The following KIAA0319L variants were observed in gnomAD, a reference collection of about 807,000 sequenced individuals.
KIAA0319L encodes the protein dyslexia-associated protein KIAA0319-like protein.
A neutral mutation model predicts 120.1 loss-of-function variants in KIAA0319L; 55 were observed. The ratio of observed to expected loss-of-function variants is 0.46; its 90% CI spans 0.37 to 0.57. The LOEUF is 0.57. Among genes scored for constraint, KIAA0319L ranks in the 20% least tolerant of loss-of-function variants. The probability of loss-of-function intolerance (pLI) is 0.00; values close to 1 mark genes in which losing one functional copy is unlikely to be tolerated. For missense variants in KIAA0319L, 1,049 were observed against 1,255.3 expected, an observed-to-expected ratio of 0.84 and a Z score of 2.48; for synonymous variants, 398 against 471.9, an observed-to-expected ratio of 0.84 and a Z score of 2.03.
chr1:35,456,346 T>C (rs891117900), intron 9 of KIAA0319L, 105 bp from the exon 10 acceptor site: 8 of 674,452 alleles, frequency 1.2e-5, no homozygotes, highest in African/African-American at 1.1e-4. Flanking sequence ...TGTGGCAAGG[T>C]TACCTATTCT....
chr1:35,508,721 TA>T (rs1645304487), intron 2 of KIAA0319L, among the ~76,000 whole-genome samples: 1 of 152,200 alleles, frequency 6.6e-6, no homozygotes, highest in Admixed American at 6.5e-5. Flanking sequence ...CGGTAACAGC[TA>T]ACTGAGTGAA....
At chr1:35,516,572 T>C (rs1024747768) in intron 2 of KIAA0319L, among the ~76,000 whole-genome samples, 1 of 152,184 alleles carries the variant, frequency 6.6e-6, no homozygotes, top group African/African-American at 2.4e-5. Context: ...GAACCATTTA[T>C]GACAAACCCA....
Position 35,554,371 on chromosome 1 carries a change from T to C in KIAA0319L, c.121A>G (p.Ser41Gly). The change falls in exon 2 of 21, where the codon AGC (serine) becomes GGC (glycine). Residue 41 changes from serine (S) to glycine (G), a missense_variant. Transcript: ENST00000325722. The part of the protein sequence containing the change: ...LYLFYTCFCF[S>G]VLWLSTDASE... ...GTACCTGTTGACAACCACAGAACGC[T>C]GAAGCAAAAGCAAGTATAAAACAGG... 4 of 1,604,722 alleles carry C rather than the reference T, an allele frequency of 2.5e-6. No individual in the cohort carries two copies. Among genetic ancestry groups the C allele is most frequent in the Non-Finnish European group, 3.4e-6 (4 of 1,177,142 alleles).
chr1:35,469,419 C>T (rs996232837), intron 6 of KIAA0319L, among the ~76,000 whole-genome samples: 1 of 152,156 alleles, frequency 6.6e-6, no homozygotes, highest in Non-Finnish European at 1.5e-5. Flanking sequence ...TGCTTAAAGC[C>T]TTTCAAGGGC....
At chr1:35,510,549 G>A (rs548078364) in intron 2 of KIAA0319L, 1 of 151,854 alleles carries the variant, frequency 6.6e-6, no homozygotes, top group South Asian at 2.1e-4. Flanking sequence ...TTACTCATCA[G>A]GAGAGAAAAC....
At position 35,442,252 on chromosome 1, in the gene KIAA0319L, C is replaced by A. The variant is rs1443831256; in HGVS notation, c.2864G>T (p.Cys955Phe). The A allele has an allele frequency of 9.3e-6, 15 of 1,610,782 alleles. No individual in the cohort carries two copies. Among genetic ancestry groups the A allele is most frequent in the Non-Finnish European group, 1.3e-5 (15 of 1,176,950 alleles). Residue 955 changes from cysteine to phenylalanine, a missense_variant, in exon 19 of 21, where the codon TGT becomes TTT. Coordinates refer to ENST00000325722, the MANE Select transcript of KIAA0319L (RefSeq NM_024874.5). ...AAAGGAAAATCCATCTTACCTCTTACAACAACAGATCACAGTCCAAGACAG... is the reference window on the plus strand; with the variant it reads ...AAAGGAAAATCCATCTTACCTCTTAAAACAACAGATCACAGTCCAAGACAG... ...GILSWTVICC[C>F]KRQKGKPKRK... is the part of the protein sequence containing the mutation.
intron 3 of KIAA0319L, among the ~76,000 whole-genome samples, chr1:35,500,472 C>T (rs1268419461): frequency 6.6e-6 from 1 of 152,180 alleles, no homozygotes; most frequent in East Asian, 1.9e-4. Flanking sequence ...TTCCTTTCTA[C>T]TTTTGGAATT....
chr1:35,534,909 G>C (rs1224528134), intron 2 of KIAA0319L, among the ~76,000 whole-genome samples: 1 of 146,500 alleles, frequency 6.8e-6, no homozygotes, highest in Admixed American at 6.8e-5. Flanking sequence ...ACAAGGTCAG[G>C]AGTTCGAGAC....
intron 8 of KIAA0319L, 130 bp from the exon 9 acceptor site, chr1:35,460,567 C>T (rs954518219): frequency 6.6e-6 from 5 of 763,014 alleles, no homozygotes; most frequent in Non-Finnish European, 8.4e-6. Context: ...CAGACTATCT[C>T]TCCAGAATGT....
chr1:35,449,972 G>A lies in KIAA0319L; in HGVS notation c.2248C>T (p.Leu750Phe). 6.2e-7 allele frequency: 1 copy of A among 1,614,174 alleles called. No homozygotes were observed. The highest frequency in any genetic ancestry group is 8.5e-7 in the Non-Finnish European group (1 of 1,180,018). ...VLNHSDHHPI[L>F]FLSNLVEGTY... ...CCCTCAACCAGGTTTGAAAGAAAAAGGATAGGGTGATGGTCAGAGTGATTT... is the reference window on the plus strand; with the variant it reads ...CCCTCAACCAGGTTTGAAAGAAAAAAGATAGGGTGATGGTCAGAGTGATTT... The change falls in exon 15 of 21, where the codon CTT (leucine) becomes TTT (phenylalanine). Residue 750 changes from leucine (L) to phenylalanine (F), a missense_variant. Transcript: ENST00000325722.
rs375870140 is a variant in KIAA0319L, at chr1:35,494,037, T to C, written c.666+12575A>G. Reference sequence around the variant, plus strand: ...CTCCCAATACAATCCCACTGAAAATTCCAGAAGACTTTTTAAAAAGAAACT... The same window carrying C: ...CTCCCAATACAATCCCACTGAAAATCCCAGAAGACTTTTTAAAAAGAAACT... On this transcript the variant is annotated intron_variant, in intron 3 of 20. Coordinates refer to ENST00000325722, the MANE Select transcript of KIAA0319L (RefSeq NM_024874.5). 6.6e-5 allele frequency among the ~76,000 whole-genome samples: 10 copies of C among 152,230 alleles called. No individual in the cohort carries two copies. The East Asian group carries it at 1.3e-3, about 21-fold the overall frequency.
At chr1:35,510,737 G>A (rs1487667964) in intron 2 of KIAA0319L, among the ~76,000 whole-genome samples, 1 of 151,840 alleles carries the variant, frequency 6.6e-6, no homozygotes, top group East Asian at 1.9e-4. Flanking sequence ...CTCCCAAGAT[G>A]CTAGGACTAC....
At chr1:35,548,481 A>G (rs1220817756) in intron 2 of KIAA0319L, among the ~76,000 whole-genome samples, 1 of 152,188 alleles carries the variant, frequency 6.6e-6, no homozygotes, top group Non-Finnish European at 1.5e-5. Flanking sequence ...AGAGGTGCAC[A>G]AGACAAATCC....
At chr1:35,504,431 T>C (rs567702308) in intron 3 of KIAA0319L, among the ~76,000 whole-genome samples, 1 of 152,120 alleles carries the variant, frequency 6.6e-6, no homozygotes, top group African/African-American at 2.4e-5. Context: ...CTCCTGACCT[T>C]GTGATCCGCC....
chr1:35,553,683 T>C (rs1399412741), intron 2 of KIAA0319L, among the ~76,000 whole-genome samples: 1 of 150,396 alleles, frequency 6.6e-6, no homozygotes, highest in Admixed American at 6.7e-5. Context: ...ACTCATACTA[T>C]GAAAGCACAA....
At chr1:35,505,432 A>G (rs1645172633) in intron 3 of KIAA0319L, among the ~76,000 whole-genome samples, 1 of 152,082 alleles carries the variant, frequency 6.6e-6, no homozygotes, top group Non-Finnish European at 1.5e-5. Context: ...GCACATACAC[A>G]CCACTTGCCT....
chr1:35,503,303 C>A (rs1360576622), intron 3 of KIAA0319L, among the ~76,000 whole-genome samples: 1 of 152,310 alleles, frequency 6.6e-6, no homozygotes, highest in Admixed American at 6.5e-5. Context: ...AAGGAAGTAT[C>A]CTGCTTAAGA....
At chr1:35,482,851 T>G (rs546145857) in intron 3 of KIAA0319L, among the ~76,000 whole-genome samples, 1 of 152,334 alleles carries the variant, frequency 6.6e-6, no homozygotes, top group Non-Finnish European at 1.5e-5. Flanking sequence ...CTGAAGTTGT[T>G]ATGACATAAT....
chr1:35,493,263 T>C (rs895062579), intron 3 of KIAA0319L, among the ~76,000 whole-genome samples: 4 of 152,124 alleles, frequency 2.6e-5, no homozygotes, highest in Non-Finnish European at 4.4e-5. Flanking sequence ...AATCAGACAC[T>C]GGGTTCTTTA....
Sources: allele counts gnomAD v4.1 joint callset (sites outside exome capture counted in the v4.1 genomes callset), GRCh38; gene constraint gnomAD v4.1.1; transcripts MANE v1.5; gene names NCBI Gene and HGNC (gene_info 2026-07-23, HGNC 2026-07-21).